ZNF665: variants seen among roughly 807,000 people sequenced by gnomAD.
ZNF665 encodes the protein zinc finger protein 665.
A neutral mutation model predicts 7.9 loss-of-function variants in ZNF665; 6 were observed. The observed-to-expected ratio is 0.76, with a 90% CI of 0.42 to 1.50. The LOEUF (loss-of-function observed/expected upper bound fraction) is 1.50. Ranked by LOEUF, ZNF665 falls within the 40% of genes most tolerant of loss-of-function variation. The probability of loss-of-function intolerance (pLI) is 0.01; values close to 1 mark genes in which losing one functional copy is unlikely to be tolerated. For synonymous variants in ZNF665, 242 were observed against 274.5 expected (o/e 0.88, Z 1.17); for missense variants, 819 against 806.7 (o/e 1.02, Z -0.18).
intron 2 of ZNF665, among the ~76,000 whole-genome samples, chr19:53,176,564 T>C (rs376098756): frequency 6.6e-6 from 1 of 152,180 alleles, no homozygotes; most frequent in Non-Finnish European, 1.5e-5. Flanking sequence ...GAAAAGGTGA[T>C]GAGAATTTAC....
rs1254383738 is a variant in ZNF665, at chr19:53,171,504, G to A, written c.142+3941C>T. On this transcript the variant is annotated intron_variant, in intron 3 of 3. Coordinates refer to ENST00000396424, the MANE Select transcript of ZNF665 (RefSeq NM_024733.5). The stretch of plus-strand genomic sequence containing the variant: ...TCTTTACATTTGTGTGTGTGTGTGT[G>A]TATATATATATATATATATATTTTT... Among the ~76,000 whole-genome samples, 127 of 57,778 alleles carry A rather than the reference G, an allele frequency of 2.2e-3. 1 individual carries two copies. Among genetic ancestry groups the A allele is most frequent in the African/African-American group, 4.1e-3 (76 of 18,396 alleles). The allele number at this position is 57,778 out of a possible 152,430, so 37.9% of individuals were successfully genotyped here.
intron 1 of ZNF665, among the ~76,000 whole-genome samples, chr19:53,184,731 G>C (rs144220514): frequency 1.2e-3 from 184 of 152,244 alleles, no homozygotes; most frequent in African/African-American, 3.6e-3. Flanking sequence ...AAGGCAGCTG[G>C]GCCCGGGGGA....
chr19:53,182,555 C>A (rs2090745762), intron 2 of ZNF665: 3 of 689,522 alleles, frequency 4.4e-6, no homozygotes, highest in Non-Finnish European at 5.2e-6. Context: ...TCACAGTTTA[C>A]ACAGAGCTGT....
intron 3 of ZNF665, among the ~76,000 whole-genome samples, chr19:53,174,038 G>A (rs568487760): frequency 6.6e-5 from 10 of 152,260 alleles, no homozygotes; most frequent in African/African-American, 1.7e-4. Context: ...TGAAGTTTCC[G>A]GGGCCCCAGG....
At chr19:53,166,955 A>AT (rs2090619936) in intron 3 of ZNF665, among the ~76,000 whole-genome samples, 1 of 152,124 alleles carries the variant, frequency 6.6e-6, no homozygotes, top group Non-Finnish European at 1.5e-5. Context: ...CAGAGCAAAC[A>AT]TTTTGCAACA....
At chr19:53,178,604 CAAAT>C (rs754018658) in intron 2 of ZNF665, among the ~76,000 whole-genome samples, 10 of 151,882 alleles carry the variant, frequency 6.6e-5, no homozygotes, top group African/African-American at 1.5e-4. Flanking sequence ...TAAATACAAA[CAAAT>C]AAAGAAGTAC....
chr19:53,166,412 G>T, intron 3 of ZNF665, 65 bp from the exon 4 acceptor site: 4 of 1,377,252 alleles, frequency 2.9e-6, no homozygotes, highest in Non-Finnish European at 3.9e-6. Flanking sequence ...ATTTCCCATT[G>T]AAAAACCTAA....
intron 3 of ZNF665, among the ~76,000 whole-genome samples, chr19:53,172,480 T>C (rs192342262): frequency 6.6e-6 from 1 of 152,294 alleles, no homozygotes; most frequent in East Asian, 1.9e-4. Context: ...TGATATTTTA[T>C]GCTGCTTTAA....
chr19:53,184,935 G>A (rs2090766158), intron 1 of ZNF665, among the ~76,000 whole-genome samples: 2 of 152,092 alleles, frequency 1.3e-5, no homozygotes, highest in South Asian at 2.1e-4. Flanking sequence ...AGAGAGAGGA[G>A]AAAGAGAGAA....
chr19:53,168,034 C>A (rs1484436366), intron 3 of ZNF665, among the ~76,000 whole-genome samples: 2 of 113,644 alleles, frequency 1.8e-5, no homozygotes, highest in Non-Finnish European at 3.3e-5. Context: ...CCAGCCTGGG[C>A]GACACAGCCT....
chr19:53,176,689 C>T (rs2090700800), intron 2 of ZNF665, among the ~76,000 whole-genome samples: 1 of 152,178 alleles, frequency 6.6e-6, no homozygotes, highest in African/African-American at 2.4e-5. Context: ...ATGCCATATC[C>T]AGACAGTGTA....
chr19:53,178,247 C>A (rs1330375535), intron 2 of ZNF665, among the ~76,000 whole-genome samples: 1 of 152,176 alleles, frequency 6.6e-6, no homozygotes, highest in African/African-American at 2.4e-5. Flanking sequence ...CTAATAGATT[C>A]CCAACATCCT....
At chr19:53,167,577 G>A (rs933463979) in intron 3 of ZNF665, among the ~76,000 whole-genome samples, 6 of 150,818 alleles carry the variant, frequency 4.0e-5, no homozygotes, top group African/African-American at 1.5e-4. Flanking sequence ...CTCCCGAGTA[G>A]CTGGGACTAC....
chr19:53,180,670 T>C (rs1018329438), intron 2 of ZNF665: 7 of 152,200 alleles, frequency 4.6e-5, no homozygotes, highest in African/African-American at 1.7e-4. Context: ...TTGTCTTTTT[T>C]GCTCATGTGC....
chr19:53,176,418 C>T (rs1008135749), intron 2 of ZNF665, among the ~76,000 whole-genome samples: 2 of 152,150 alleles, frequency 1.3e-5, no homozygotes, highest in African/African-American at 4.8e-5. Context: ...AAGCTCAGAG[C>T]CCCTTCTCCC....
At position 53,164,283 on chromosome 19, in the gene ZNF665, G is replaced by A. The variant is rs1163160768; in HGVS notation, c.*170C>T. The A allele has an allele frequency of 3.4e-5, 18 of 534,432 alleles. No individual in the cohort carries two copies. Among genetic ancestry groups the A allele is most frequent in the Middle Eastern group, 4.9e-4 (1 of 2,040 alleles). 33.1% of individuals were successfully genotyped at this position (534,432 alleles called of 1,614,324 possible). ...CTCCCGAGTAGCTGGGATTACAGGC[G>A]TGCACCACCACACCCAGCTAATTTT... On this transcript the variant is annotated 3_prime_UTR_variant, in exon 4 of 4. Coordinates refer to ENST00000396424, the MANE Select transcript of ZNF665 (RefSeq NM_024733.5).
At chr19:53,182,969 G>T (rs370814762) in intron 1 of ZNF665, 26 bp from the exon 2 acceptor site, 516 of 1,588,500 alleles carry the variant, frequency 3.2e-4, no homozygotes, top group Non-Finnish European at 4.3e-4. Context: ...AGAGACTTTA[G>T]AATTCAATCC....
At chr19:53,185,182 C>G (rs1355316577) in intron 1 of ZNF665, among the ~76,000 whole-genome samples, 1 of 151,602 alleles carries the variant, frequency 6.6e-6, no homozygotes, top group East Asian at 2.0e-4. Context: ...TCTAAACTCC[C>G]CCGGGGAAAG....
Position 53,163,572 on chromosome 19 carries a change from A to C in ZNF665, c.*881T>G, listed in dbSNP as rs2090579598. On this transcript the variant is annotated 3_prime_UTR_variant, in exon 4 of 4. Transcript: ENST00000396424. ...TCCATCCTTTGATTCTTTCCCGAACAACACCATGTTAGGCGTATAATCATG... is the reference window on the plus strand; with the variant it reads ...TCCATCCTTTGATTCTTTCCCGAACCACACCATGTTAGGCGTATAATCATG... 6.6e-6 allele frequency: 1 copy of C among 152,216 alleles called. No homozygotes were observed. The highest frequency in any genetic ancestry group is 1.5e-5 in the Non-Finnish European group (1 of 68,046). The allele number at this position is 152,216 out of a possible 1,614,324, so 9.4% of individuals were successfully genotyped here.
Sources: gnomAD v4.1 joint callset for allele counts (sites outside exome capture counted in the v4.1 genomes callset) on GRCh38, gnomAD v4.1.1 for gene constraint, MANE v1.5 for transcripts, NCBI Gene and HGNC (gene_info 2026-07-23, HGNC 2026-07-21) for gene names.